The following ZNF766 variants were observed in gnomAD, a reference collection of about 807,000 sequenced individuals.
ZNF766 encodes zinc finger protein 766.
In ZNF766, 13 loss-of-function variants were observed where a neutral mutation model predicts 13.2. That is an observed-to-expected ratio of 0.98 (90% CI 0.64 to 1.56). The LOEUF is 1.56. ZNF766 is among the 40% of genes most tolerant of loss of function. The probability of loss-of-function intolerance (pLI) is 0.00; values close to 1 mark genes in which losing one functional copy is unlikely to be tolerated. For synonymous variants in ZNF766, 178 were observed against 187.6 expected (o/e 0.95, Z 0.42); for missense variants, 521 against 552.2 (o/e 0.94, Z 0.57).
At position 52,290,329 on chromosome 19, in the gene ZNF766, G is replaced by A. The variant is rs762386891; in HGVS notation, c.538G>A (p.Ala180Thr). 1 of 1,614,068 alleles carries A rather than the reference G, an allele frequency of 6.2e-7. No individual in the cohort carries two copies. The highest frequency in any genetic ancestry group is 1.1e-5 in the South Asian group (1 of 91,076). Residue 180 changes from alanine (A) to threonine (T), a missense_variant, in exon 4 of 4, where the codon GCA (alanine) becomes ACA (threonine). Ala to Thr is a moderately conservative substitution (Grantham distance 58). Transcript: ENST00000439461. ...DFPLLSQEQK[A>T]HIRRKPYECN... ...TCCATTGCTGTCACAAGAACAGAAA[G>A]CACACATTAGGAGAAAACCTTACGA...
At position 52,280,211 on chromosome 19, in the gene ZNF766, A is replaced by G. The variant is rs1261216386; in HGVS notation, c.19-1900A>G. ...GAAATACACATTAGCAAAAATAATA[A>G]TGACTGCCAGGCAGTATGTGCACCG... On this transcript the variant is annotated intron_variant, in intron 1 of 3. Coordinates refer to ENST00000439461, the MANE Select transcript of ZNF766 (RefSeq NM_001010851.3). Among the ~76,000 whole-genome samples the G allele has an allele frequency of 6.6e-5, 10 of 152,302 alleles. No individual in the cohort carries two copies. In the East Asian group the frequency reaches 1.9e-3, roughly 29 times the overall value.
At chr19:52,285,247 G>A (rs771822381) in intron 3 of ZNF766, among the ~76,000 whole-genome samples, 4 of 152,150 alleles carry the variant, frequency 2.6e-5, no homozygotes, top group Admixed American at 2.0e-4. Context: ...GACCAAAGGT[G>A]TGGGGGGTTT....
At chr19:52,278,490 G>C (rs1267372843) in intron 1 of ZNF766, among the ~76,000 whole-genome samples, 16 of 152,058 alleles carry the variant, frequency 1.1e-4, no homozygotes, top group Non-Finnish European at 5.9e-5. Context: ...TGCAACCTCT[G>C]CCTCCCGGGT....
At position 52,293,722 on chromosome 19, in the gene ZNF766, TTC is replaced by T. The variant is rs1204880420; in HGVS notation, c.*2525_*2526del. ...CTCACCGCAACCTCCGCCTTCCAGG[TTC>T]AAGTGATTCTCCTGCCTCAGCCTCC... On this transcript the variant is annotated 3_prime_UTR_variant, in exon 4 of 4. Transcript: ENST00000439461. The T allele has an allele frequency of 6.6e-6, 1 of 152,242 alleles. No individual in the cohort carries two copies. Among genetic ancestry groups the T allele is most frequent in the Admixed American group, 6.5e-5 (1 of 15,270 alleles). The allele number at this position is 152,242 out of a possible 1,614,324, so 9.4% of individuals were successfully genotyped here.
rs780725812 is a variant in ZNF766 at position 52,283,412 on chromosome 19, AG to A, written c.274+1del. On this transcript the variant is annotated frameshift_variant and splice_region_variant, in exon 3 of 4. Transcript: ENST00000439461. LOFTEE classifies it low-confidence loss of function (END_TRUNC). ...GGGAAGGTATCAAAGATATCAACAC[AG>A]GTAAGAGCTCAGATGGACAGAGTGA... The part of the protein sequence containing the change: ...RWEGIKDINT[G>X]RSCAVRSKAG... The A allele has an allele frequency of 3.1e-6, 5 of 1,587,530 alleles. No homozygotes were observed. In the East Asian group the frequency reaches 9.1e-5, roughly 29 times the overall value.
intron 3 of ZNF766, among the ~76,000 whole-genome samples, chr19:52,285,463 T>C (rs1464426269): frequency 6.6e-6 from 1 of 152,190 alleles, no homozygotes; most frequent in African/African-American, 2.4e-5. Flanking sequence ...TTGGGCCCAA[T>C]TAGTTTGCTA....
intron 1 of ZNF766, among the ~76,000 whole-genome samples, chr19:52,276,568 T>C (rs1415301156): frequency 6.6e-6 from 1 of 152,156 alleles, no homozygotes; most frequent in Non-Finnish European, 1.5e-5. Flanking sequence ...CTCATTGGTT[T>C]TGTTTAAGTG....
intron 3 of ZNF766, among the ~76,000 whole-genome samples, chr19:52,286,163 GAA>G (rs1287568335): frequency 7.1e-6 from 1 of 141,042 alleles, no homozygotes; most frequent in Non-Finnish European, 1.5e-5. Flanking sequence ...AAAAAAGAAA[GAA>G]AGAAAGAATC....
At position 52,272,519 on chromosome 19, in the gene ZNF766, T is replaced by C. The variant is rs1017391434; in HGVS notation, c.18+2888T>C. On this transcript the variant is annotated intron_variant, in intron 1 of 3. Coordinates refer to ENST00000439461, the MANE Select transcript of ZNF766 (RefSeq NM_001010851.3). ...TCTCAGTCTGTCACCCAGACTGGAG[T>C]GCAGTGGTGCAATCATAGCTCCCTG... 2.0e-5 allele frequency among the ~76,000 whole-genome samples: 3 copies of C among 152,046 alleles called. No individual in the cohort carries two copies. In the East Asian group the frequency reaches 5.8e-4, roughly 29 times the overall value.
At chr19:52,270,147 A>G (rs1475087880) in intron 1 of ZNF766, among the ~76,000 whole-genome samples, 1 of 151,760 alleles carries the variant, frequency 6.6e-6, no homozygotes, top group Non-Finnish European at 1.5e-5. Context: ...GGTGGCCGGG[A>G]CCTATCTCAG....
intron 1 of ZNF766, chr19:52,281,495 G>A (rs547695507): frequency 2.9e-5 from 8 of 280,020 alleles, no homozygotes; most frequent in Admixed American, 1.0e-4. Context: ...CTCCAGCCTG[G>A]GTGACAGACT....
chr19:52,273,017 ATT>A (rs11302237), intron 1 of ZNF766, among the ~76,000 whole-genome samples: 60 of 151,356 alleles, frequency 4.0e-4, no homozygotes, highest in African/African-American at 1.4e-3. Context: ...ACATTAATAT[ATT>A]TTTTTTTCGA....
chr19:52,278,233 G>A (rs1321134272), intron 1 of ZNF766, among the ~76,000 whole-genome samples: 1 of 152,026 alleles, frequency 6.6e-6, no homozygotes, highest in Admixed American at 6.6e-5. Flanking sequence ...ATCACGCCAG[G>A]CCTTTTCTGA....
rs35544540 is a variant in ZNF766, at chr19:52,280,372, TA to T, written c.19-1733del. Among the ~76,000 whole-genome samples, 1,200 of 152,102 alleles carry T rather than the reference TA, an allele frequency of 7.9e-3. 15 individuals carry two copies. The highest frequency in any genetic ancestry group is 0.027 in the African/African-American group (1,110 of 41,474). ...AGACCCAGTCTCTAAGAATTTTTTT[TA>T]AAAAAGATGACAAATATCATCTAAA... On this transcript the variant is annotated intron_variant, in intron 1 of 3. Coordinates refer to ENST00000439461, the MANE Select transcript of ZNF766 (RefSeq NM_001010851.3).
At chr19:52,289,980 G>T (rs1452310842) in intron 3 of ZNF766, 86 bp from the exon 4 acceptor site, 2 of 1,414,282 alleles carry the variant, frequency 1.4e-6, no homozygotes, top group Non-Finnish European at 1.9e-6. Context: ...CAGCCTGGGT[G>T]GCAAAGCCAG....
In ZNF766 at chr19:52,291,971, C is replaced by T; in HGVS notation, c.*773C>T. On this transcript the variant is annotated 3_prime_UTR_variant, in exon 4 of 4. Transcript: ENST00000439461. ...TCTGTAGTTCCAGCTACTCAAGAGG[C>T]CGAGGCAAGAGGATTGCTCAAGCCC... 1 of 558,878 alleles carries T rather than the reference C, an allele frequency of 1.8e-6. No individual in the cohort carries two copies. Among genetic ancestry groups the T allele is most frequent in the African/African-American group, 1.9e-5 (1 of 52,632 alleles). The allele number at this position is 558,878 out of a possible 1,614,324, so 34.6% of individuals were successfully genotyped here.
At position 52,291,367 on chromosome 19, in the gene ZNF766, T is replaced by C; in HGVS notation, c.*169T>C. 1.5e-6 allele frequency: 1 copy of C among 669,720 alleles called. No homozygotes were observed. The allele number at this position is 669,720 out of a possible 1,614,324, so 41.5% of individuals were successfully genotyped here. On this transcript the variant is annotated 3_prime_UTR_variant, in exon 4 of 4. Coordinates refer to ENST00000439461, the MANE Select transcript of ZNF766 (RefSeq NM_001010851.3). Reference sequence around the variant, plus strand: ...TGAAACCACACAAATGGATTGTGTGTGCCAAGGCCAACAAGTCAAAATATG... The same window carrying C: ...TGAAACCACACAAATGGATTGTGTGCGCCAAGGCCAACAAGTCAAAATATG...
intron 1 of ZNF766, among the ~76,000 whole-genome samples, chr19:52,279,476 G>A (rs1452057965): frequency 1.3e-5 from 2 of 151,942 alleles, no homozygotes; most frequent in Non-Finnish European, 1.5e-5. Context: ...TAATTATATC[G>A]ATTCTTCTTA....
At chr19:52,280,293 A>T (rs1004665830) in intron 1 of ZNF766, among the ~76,000 whole-genome samples, 1 of 152,154 alleles carries the variant, frequency 6.6e-6, no homozygotes, top group African/African-American at 2.4e-5. Context: ...TCAGGAGTTC[A>T]AGGCTGTACT....
Sources: allele counts gnomAD v4.1 joint callset (sites outside exome capture counted in the v4.1 genomes callset), GRCh38; gene constraint gnomAD v4.1.1; transcripts MANE v1.5; gene names NCBI Gene and HGNC (gene_info 2026-07-23, HGNC 2026-07-21).